HADHA: variants seen among roughly 807,000 people sequenced by gnomAD.
HADHA encodes the protein hydroxyacyl-CoA dehydrogenase trifunctional multienzyme complex subunit alpha.
Under a neutral mutation model 91.3 loss-of-function variants are expected in HADHA, and 59 were observed. That is an observed-to-expected ratio of 0.65 (90% CI 0.52 to 0.80). HADHA has a LOEUF of 0.80. HADHA is among the 30% of genes least tolerant of loss of function. The pLI is 0.00. For synonymous variants in HADHA, 320 were observed against 338.9 expected, an observed-to-expected ratio of 0.94 and a Z score of 0.61; for missense variants, 800 against 927.6, an observed-to-expected ratio of 0.86 and a Z score of 1.79.
At chr2:26,205,170 A>G (rs975034615) in intron 11 of HADHA, among the ~76,000 whole-genome samples, 1 of 152,298 alleles carries the variant, frequency 6.6e-6, no homozygotes, top group Non-Finnish European at 1.5e-5. Context: ...TTAGTTCCCT[A>G]TAGTTCTGGA....
intron 18 of HADHA, 22 bp from the exon 19 acceptor site, chr2:26,191,650 T>G (rs1669508708): frequency 6.2e-7 from 1 of 1,613,306 alleles, no homozygotes; most frequent in South Asian, 1.1e-5. Context: ...AAGAGATGTT[T>G]AGGTAGAAGA....
chr2:26,243,976 C>T (rs1405256148), intron 1 of HADHA, among the ~76,000 whole-genome samples: 1 of 152,248 alleles, frequency 6.6e-6, no homozygotes, highest in Non-Finnish European at 1.5e-5. Flanking sequence ...TACGTTCACA[C>T]TGACATTACT....
At chr2:26,201,807 T>C (rs1016028145) in intron 12 of HADHA, among the ~76,000 whole-genome samples, 5 of 152,066 alleles carry the variant, frequency 3.3e-5, no homozygotes, top group Non-Finnish European at 5.9e-5. Flanking sequence ...TTTTTATTTA[T>C]TTTTTGAGAC....
At chr2:26,201,829 C>G (rs1218623781) in intron 12 of HADHA, among the ~76,000 whole-genome samples, 2 of 151,410 alleles carry the variant, frequency 1.3e-5, no homozygotes, top group African/African-American at 4.9e-5. Flanking sequence ...GAGTCTCGCT[C>G]TGTTGCCCAG....
intron 7 of HADHA, among the ~76,000 whole-genome samples, chr2:26,222,207 G>A (rs1159315252): frequency 1.3e-5 from 2 of 152,220 alleles, no homozygotes; most frequent in African/African-American, 4.8e-5. Flanking sequence ...TGCAGACACA[G>A]TAAGAAAGCA....
intron 14 of HADHA, 84 bp from the exon 15 acceptor site, chr2:26,195,316 A>G: frequency 1.7e-6 from 2 of 1,161,126 alleles, no homozygotes; most frequent in East Asian, 2.3e-5. Flanking sequence ...GGAAAACACT[A>G]GAAAGAAAGG....
chr2:26,244,232 G>A (rs151253177), intron 1 of HADHA, among the ~76,000 whole-genome samples: 1 of 152,372 alleles, frequency 6.6e-6, no homozygotes, highest in Non-Finnish European at 1.5e-5. Flanking sequence ...AAAATATGAG[G>A]GGCGTGAGCC....
intron 5 of HADHA, 33 bp from the exon 6 acceptor site, chr2:26,232,312 G>A (rs759902604): frequency 1.3e-6 from 2 of 1,544,398 alleles, no homozygotes; most frequent in South Asian, 1.1e-5. Flanking sequence ...TAGAATGTTA[G>A]AAAATGTAAC....
Position 26,191,505 on chromosome 2 carries a change from A to G in HADHA, c.2124T>C (p.Leu708=), listed in dbSNP as rs1669502198. 1 of 1,614,182 alleles carries G rather than the reference A, an allele frequency of 6.2e-7. No individual in the cohort carries two copies. The highest frequency in any genetic ancestry group is 1.3e-5 in the African/African-American group (1 of 75,046). The change falls in exon 19 of 20, where the codon CTT becomes CTC. Residue 708 remains leucine, a synonymous_variant. Coordinates refer to ENST00000380649, the MANE Select transcript of HADHA (RefSeq NM_000182.5). ...AACCTCCCAGACAAGGCGGGAAGCC[A>G]AGCCCAAAGACGGCTCCGATGTCTC... is the stretch of plus-strand genomic sequence containing the variant. ...AEGDIGAVFG[L]GFPPCLGGPF... is the part of the protein sequence containing the mutation.
intron 15 of HADHA, 26 bp from the exon 16 acceptor site, chr2:26,194,664 C>T (rs1865324): frequency 6.6e-7 from 1 of 1,507,556 alleles, no homozygotes; most frequent in Non-Finnish European, 9.2e-7. Context: ...ACATGAGCTC[C>T]CTGGCCCTGC....
chr2:26,215,018 A>C (rs746377395), intron 8 of HADHA, 35 bp downstream of exon 8: 13 of 1,569,600 alleles, frequency 8.3e-6, no homozygotes, highest in Non-Finnish European at 1.1e-5. Context: ...CTCAGGAAAG[A>C]AGCTTTGCCT....
intron 13 of HADHA, among the ~76,000 whole-genome samples, chr2:26,200,620 CATGA>C (rs1271019917): frequency 2.0e-5 from 3 of 152,214 alleles, no homozygotes; most frequent in African/African-American, 7.2e-5. Flanking sequence ...AGAGCTCCTA[CATGA>C]ATAAGGTGAA....
At chr2:26,241,407 G>A (rs1302625366) in intron 1 of HADHA, among the ~76,000 whole-genome samples, 1 of 151,620 alleles carries the variant, frequency 6.6e-6, no homozygotes, top group African/African-American at 2.4e-5. Flanking sequence ...ATCACCTGAG[G>A]TCGGGAGTTA....
At chr2:26,238,514 G>A (rs757206002) in intron 3 of HADHA, among the ~76,000 whole-genome samples, 2 of 152,170 alleles carry the variant, frequency 1.3e-5, no homozygotes, top group Non-Finnish European at 2.9e-5. Flanking sequence ...GGAAGCTTAA[G>A]AGCCAAGTAT....
rs1574615078 is a variant in HADHA at position 26,214,568 on chromosome 2, A to G, written c.800-7T>C. The G allele has an allele frequency of 7.1e-7, 1 of 1,412,502 alleles. No individual in the cohort carries two copies. 87.5% of individuals were successfully genotyped at this position (1,412,502 alleles called of 1,614,324 possible). On this transcript the variant is annotated splice_region_variant and splice_polypyrimidine_tract_variant and intron_variant, in intron 8 of 19. Coordinates refer to ENST00000380649, the MANE Select transcript of HADHA (RefSeq NM_000182.5). The surrounding 1 kb of genome is among the most constrained non-coding windows in gnomAD (Gnocchi z 4.1). ...ATGGCATACGCTGTCAATTCTGTAA[A>G]ATAAAATGCTTTTAGATATTTACTA...
chr2:26,231,389 A>G (rs1670618203), intron 6 of HADHA, among the ~76,000 whole-genome samples: 1 of 151,782 alleles, frequency 6.6e-6, no homozygotes, highest in South Asian at 2.1e-4. Context: ...TGCAGCATCC[A>G]GGTCTGACTG....
In HADHA at chr2:26,207,303, AT is replaced by A. The variant is rs553500090; in HGVS notation, c.1085+2476del. ...TAATTTTTTTGAAAGGAGAAAAAGAATGCATTATTTAGTAGGTTTTTTTTTT... is the reference window on the plus strand; with the variant it reads ...TAATTTTTTTGAAAGGAGAAAAAGAAGCATTATTTAGTAGGTTTTTTTTTT... On this transcript the variant is annotated intron_variant, in intron 11 of 19. Transcript: ENST00000380649. Among the ~76,000 whole-genome samples the A allele has an allele frequency of 3.3e-5, 5 of 151,380 alleles. No homozygotes were observed. In the South Asian group the frequency reaches 1.0e-3, roughly 32 times the overall value.
intron 7 of HADHA, among the ~76,000 whole-genome samples, chr2:26,215,519 A>T (rs1670196336): frequency 6.6e-6 from 1 of 152,186 alleles, no homozygotes. Flanking sequence ...GAAATCATGA[A>T]ATCATTTGTA....
chr2:26,198,792 A>G (rs1435611035), intron 13 of HADHA, among the ~76,000 whole-genome samples: 1 of 152,100 alleles, frequency 6.6e-6, no homozygotes, highest in Non-Finnish European at 1.5e-5. Flanking sequence ...CTAAACAACT[A>G]TAATCCCAAC....
Sources: allele counts gnomAD v4.1 joint callset (sites outside exome capture counted in the v4.1 genomes callset), GRCh38; gene constraint gnomAD v4.1.1; non-coding constraint Gnocchi (gnomAD v3.1); transcripts MANE v1.5; gene names NCBI Gene and HGNC (gene_info 2026-07-23, HGNC 2026-07-21).